APBA2: variants seen among roughly 807,000 people sequenced by gnomAD.
The protein encoded by APBA2 is amyloid beta precursor protein binding family A member 2, also known as amyloid-beta A4 precursor protein-binding family A member 2.
A neutral mutation model predicts 75.0 loss-of-function variants in APBA2; 30 were observed. That is an observed-to-expected ratio of 0.40 (90% CI 0.30 to 0.54). The LOEUF (loss-of-function observed/expected upper bound fraction) is 0.54. APBA2 is among the 20% of genes least tolerant of loss of function. The pLI is 0.49. For missense variants in APBA2, 801 were observed against 1,016.1 expected (o/e 0.79, Z 2.88); for synonymous variants, 444 against 409.6 (o/e 1.08, Z -1.01).
intron 2 of APBA2, among the ~76,000 whole-genome samples, chr15:28,957,419 G>A (rs192545421): frequency 7.2e-4 from 109 of 152,286 alleles, no homozygotes; most frequent in African/African-American, 2.4e-3. Flanking sequence ...ACCCCCAGAA[G>A]TGGAGTCATT....
In APBA2 at chr15:29,093,247, G is replaced by A. The variant is rs180975872; in HGVS notation, c.1215+27G>A. ...TAGAGGTGCTTCGAGGGCCCCTCGCGGATGCCCGCACACTTTGGGGGGCAC... is the reference window on the plus strand; with the variant it reads ...TAGAGGTGCTTCGAGGGCCCCTCGCAGATGCCCGCACACTTTGGGGGGCAC... On this transcript the variant is annotated intron_variant, in intron 7 of 14. Transcript: ENST00000683413. 4.9e-5 allele frequency: 79 copies of A among 1,613,168 alleles called. No homozygotes were observed. In the East Asian group the frequency reaches 5.1e-4, roughly 10 times the overall value.
chr15:29,064,077 G>C (rs2042269939), intron 4 of APBA2, among the ~76,000 whole-genome samples: 1 of 152,112 alleles, frequency 6.6e-6, no homozygotes, highest in Admixed American at 6.5e-5. Flanking sequence ...GGGAGATGGG[G>C]CAACAGCTGC....
chr15:28,965,081 T>G (rs2036669938), intron 2 of APBA2, among the ~76,000 whole-genome samples: 1 of 152,124 alleles, frequency 6.6e-6, no homozygotes, highest in African/African-American at 2.4e-5. Context: ...TTTGATTTTT[T>G]TTTTCTACAT....
At chr15:29,116,839 G>A (rs924575803) in intron 14 of APBA2, among the ~76,000 whole-genome samples, 1 of 152,154 alleles carries the variant, frequency 6.6e-6, no homozygotes, top group Non-Finnish European at 1.5e-5. Context: ...CAACTGTATT[G>A]ACTCCTCTGG....
chr15:29,116,043 A>G (rs72716280), intron 14 of APBA2, among the ~76,000 whole-genome samples: 2,490 of 149,044 alleles, frequency 0.017, 57 homozygotes, highest in Non-Finnish European at 0.021. Context: ...GGAGAGGAGA[A>G]GTGGGCAGTA....
intron 3 of APBA2, among the ~76,000 whole-genome samples, chr15:29,040,092 G>A (rs1218744741): frequency 6.6e-6 from 1 of 152,188 alleles, no homozygotes; most frequent in Non-Finnish European, 1.5e-5. Context: ...TGAAGATTAG[G>A]AGGGATCACT....
chr15:29,092,423 A>G (rs1433834083), intron 6 of APBA2, among the ~76,000 whole-genome samples: 1 of 152,192 alleles, frequency 6.6e-6, no homozygotes, highest in African/African-American at 2.4e-5. Context: ...CAGCTGCAGG[A>G]GCCTCAGTGC....
intron 3 of APBA2, among the ~76,000 whole-genome samples, chr15:29,001,568 G>C (rs1367976894): frequency 6.6e-6 from 1 of 152,212 alleles, no homozygotes; most frequent in Admixed American, 6.5e-5. Flanking sequence ...CATGAGTTGG[G>C]GGCGGGTAGA....
At chr15:28,935,225 C>G (rs1213912857) in intron 2 of APBA2, among the ~76,000 whole-genome samples, 1 of 152,202 alleles carries the variant, frequency 6.6e-6, no homozygotes, top group Non-Finnish European at 1.5e-5. Flanking sequence ...CACGGTGGCC[C>G]GGACCCTTGG....
chr15:29,070,097 C>A (rs1371993826), intron 4 of APBA2, among the ~76,000 whole-genome samples: 1 of 152,126 alleles, frequency 6.6e-6, no homozygotes, highest in Non-Finnish European at 1.5e-5. Flanking sequence ...ATAGGGTACC[C>A]AGTTACATTC....
chr15:28,947,353 G>C (rs1214835617), intron 2 of APBA2, among the ~76,000 whole-genome samples: 1 of 152,192 alleles, frequency 6.6e-6, no homozygotes, highest in Non-Finnish European at 1.5e-5. Flanking sequence ...CCGTCCTCGT[G>C]GGCGTGGCCT....
At chr15:29,110,714 A>G (rs891036956) in intron 13 of APBA2, among the ~76,000 whole-genome samples, 1 of 151,872 alleles carries the variant, frequency 6.6e-6, no homozygotes, top group Admixed American at 6.6e-5. Context: ...GGAGAGGGGG[A>G]GAAGAGATGA....
intron 1 of APBA2, among the ~76,000 whole-genome samples, chr15:28,904,945 C>CTGGGCCGCTGACCTGATGGGT (rs2033063182): frequency 6.6e-6 from 1 of 152,220 alleles, no homozygotes; most frequent in African/African-American, 2.4e-5. Flanking sequence ...CACTGAGGGG[C>CTGGGCCGCTGACCTGATGGGT]TGGGCCGCTG....
intron 13 of APBA2, among the ~76,000 whole-genome samples, chr15:29,112,284 T>C (rs556426656): frequency 1.3e-5 from 2 of 152,228 alleles, no homozygotes; most frequent in South Asian, 4.1e-4. Context: ...TCAGCTCCTG[T>C]CCCGACCTGC....
intron 4 of APBA2, among the ~76,000 whole-genome samples, chr15:29,055,894 G>T (rs989324040): frequency 6.6e-6 from 1 of 152,182 alleles, no homozygotes; most frequent in African/African-American, 2.4e-5. Flanking sequence ...TTTACAGGGG[G>T]CTGTGGGATG....
intron 2 of APBA2, among the ~76,000 whole-genome samples, chr15:28,936,299 T>G (rs750554946): frequency 4.6e-5 from 7 of 152,190 alleles, no homozygotes; most frequent in Non-Finnish European, 1.0e-4. Context: ...CCTGCTGTCC[T>G]TCTGTGACCC....
chr15:29,061,111 A>G lies in APBA2; in HGVS notation c.951+6276A>G, dbSNP rs568572851. Among the ~76,000 whole-genome samples, 3 of 152,200 alleles carry G rather than the reference A, an allele frequency of 2.0e-5. No homozygotes were observed. The South Asian group carries it at 6.2e-4, about 32-fold the overall frequency. On this transcript the variant is annotated intron_variant, in intron 4 of 14. Transcript: ENST00000683413. ...GCGTTTGTCCAGCACCAAAGATCCT[A>G]GTTCTGTGGGTCTGTGGGGTGGCCC...
chr15:28,989,991 GAGAGCCGTGTC>G (rs200153528), intron 2 of APBA2, among the ~76,000 whole-genome samples: 1 of 152,210 alleles, frequency 6.6e-6, no homozygotes, highest in East Asian at 1.9e-4. Context: ...AGAATCACTG[GAGAGCCGTGTC>G]AGAGCCCTGC....
At chr15:29,066,053 C>T (rs1053760729) in intron 4 of APBA2, among the ~76,000 whole-genome samples, 1 of 152,190 alleles carries the variant, frequency 6.6e-6, no homozygotes, top group Non-Finnish European at 1.5e-5. Context: ...CCCTGTCCTT[C>T]GGCCCATGTG....
Sources: allele counts gnomAD v4.1 joint callset (sites outside exome capture counted in the v4.1 genomes callset), GRCh38; gene constraint gnomAD v4.1.1; transcripts MANE v1.5; gene names NCBI Gene and HGNC (gene_info 2026-07-23, HGNC 2026-07-21).